Variants in PDE4B observed in about 807,000 individuals in gnomAD.
The protein encoded by PDE4B is 3',5'-cyclic-AMP phosphodiesterase 4B.
In PDE4B, 20 loss-of-function variants were observed where a neutral mutation model predicts 82.2. The observed-to-expected ratio is 0.24, with a 90% CI of 0.17 to 0.35. The LOEUF is 0.35. PDE4B is among the 10% of genes least tolerant of loss of function. PDE4B has a pLI of 1.00. For synonymous variants in PDE4B, 320 were observed against 318.9 expected (o/e 1.00, Z -0.04); for missense variants, 655 against 907.2 (o/e 0.72, Z 3.57).
At chr1:66,129,639 G>A (rs1258108832) in intron 3 of PDE4B, among the ~76,000 whole-genome samples, 3 of 128,592 alleles carry the variant, frequency 2.3e-5, no homozygotes, top group South Asian at 2.6e-4. Context: ...CAGCCTGGGC[G>A]ACAGAGCGAG....
At chr1:66,241,202 T>C (rs1461169258) in intron 3 of PDE4B, among the ~76,000 whole-genome samples, 1 of 152,256 alleles carries the variant, frequency 6.6e-6, no homozygotes, top group Non-Finnish European at 1.5e-5. Flanking sequence ...GCTGTAGCTG[T>C]GGCCAGAGGA....
intron 3 of PDE4B, among the ~76,000 whole-genome samples, chr1:65,931,961 A>T (rs559408818): frequency 5.3e-5 from 8 of 152,194 alleles, no homozygotes; most frequent in Non-Finnish European, 8.8e-5. Flanking sequence ...GTTTGCACTG[A>T]CAGTTACCAT....
chr1:66,156,498 T>C (rs1646504025), intron 3 of PDE4B, among the ~76,000 whole-genome samples: 1 of 152,252 alleles, frequency 6.6e-6, no homozygotes. Flanking sequence ...TATTATCCTA[T>C]TTAAACTCAA....
In PDE4B at chr1:66,365,228, G is replaced by A. The variant is rs143914553; in HGVS notation, c.1285-439G>A. On this transcript the variant is annotated intron_variant, in intron 12 of 16. Transcript: ENST00000341517. ...GGAAATAATTTATTGCTTATCTTAT[G>A]AATCGGGAGTTTGGCCATTTTTCTC... 9.4e-4 allele frequency among the ~76,000 whole-genome samples: 143 copies of A among 152,300 alleles called. 1 individual carries two copies. In the East Asian group the frequency reaches 0.015, roughly 16 times the overall value.
chr1:66,013,621 T>C (rs1245604230), intron 3 of PDE4B, among the ~76,000 whole-genome samples: 1 of 152,060 alleles, frequency 6.6e-6, no homozygotes, highest in Non-Finnish European at 1.5e-5. Flanking sequence ...TCTATACCAC[T>C]TAAGCAACCA....
At chr1:65,819,057 G>A (rs1325752918) in intron 1 of PDE4B, among the ~76,000 whole-genome samples, 4 of 152,120 alleles carry the variant, frequency 2.6e-5, no homozygotes, top group Non-Finnish European at 4.4e-5. Flanking sequence ...CAAAACAGCT[G>A]CTACCTTGAA....
chr1:66,120,734 C>T lies in PDE4B; in HGVS notation c.282-126726C>T, dbSNP rs190098877. Among the ~76,000 whole-genome samples, 9 of 152,230 alleles carry T rather than the reference C, an allele frequency of 5.9e-5. No homozygotes were observed. The East Asian group carries it at 9.7e-4, about 16-fold the overall frequency. On this transcript the variant is annotated intron_variant, in intron 3 of 16. Transcript: ENST00000341517. Reference sequence around the variant, plus strand: ...GAAAAAGTCTGCACTCTCTATTTTGCACTGCCTCTACCCCTCTCTATTTTT... The same window carrying T: ...GAAAAAGTCTGCACTCTCTATTTTGTACTGCCTCTACCCCTCTCTATTTTT...
At chr1:66,180,335 G>A (rs528145272) in intron 3 of PDE4B, among the ~76,000 whole-genome samples, 5 of 152,348 alleles carry the variant, frequency 3.3e-5, no homozygotes, top group Non-Finnish European at 7.4e-5. Flanking sequence ...CATCAGGAAA[G>A]TAAAGTTAGA....
chr1:65,990,635 A>G (rs1056843599), intron 3 of PDE4B, among the ~76,000 whole-genome samples: 7 of 152,198 alleles, frequency 4.6e-5, no homozygotes, highest in Admixed American at 4.6e-4. Flanking sequence ...AGATATTAAA[A>G]CATGCATTAG....
At chr1:66,244,194 A>G (rs924572720) in intron 3 of PDE4B, among the ~76,000 whole-genome samples, 1 of 152,254 alleles carries the variant, frequency 6.6e-6, no homozygotes, top group African/African-American at 2.4e-5. Context: ...ACTGTAGCAC[A>G]TAACAAATAC....
At chr1:65,983,009 C>T (rs1305728779) in intron 3 of PDE4B, among the ~76,000 whole-genome samples, 1 of 152,080 alleles carries the variant, frequency 6.6e-6, no homozygotes, top group Non-Finnish European at 1.5e-5. Context: ...AAACTGGTGC[C>T]ACCCCATTCA....
intron 3 of PDE4B, among the ~76,000 whole-genome samples, chr1:65,980,731 TGA>T (rs1220588256): frequency 6.6e-6 from 1 of 152,132 alleles, no homozygotes; most frequent in African/African-American, 2.4e-5. Context: ...AACCCAGAAA[TGA>T]TGCTAGACAC....
At chr1:66,009,905 TTATCTATCTATCTATC>T (rs80200150) in intron 3 of PDE4B, among the ~76,000 whole-genome samples, 53 of 130,560 alleles carry the variant, frequency 4.1e-4, no homozygotes, top group Middle Eastern at 3.8e-3. Flanking sequence ...ATCTGTATCT[TTATCTATCTATCTATC>T]TATCTATCTA....
chr1:65,821,014 G>T (rs753351585), intron 1 of PDE4B, among the ~76,000 whole-genome samples: 12 of 152,158 alleles, frequency 7.9e-5, no homozygotes, highest in Non-Finnish European at 1.5e-4. Flanking sequence ...AATTCATTTA[G>T]CTACTTGGAA....
intron 1 of PDE4B, among the ~76,000 whole-genome samples, chr1:65,902,902 C>A (rs939317962): frequency 2.0e-5 from 3 of 152,228 alleles, no homozygotes; most frequent in Middle Eastern, 3.4e-3. Flanking sequence ...TTAGAGTCTG[C>A]AGATATAGGC....
intron 1 of PDE4B, among the ~76,000 whole-genome samples, chr1:65,813,971 A>G (rs1645850337): frequency 6.6e-6 from 1 of 151,978 alleles, no homozygotes; most frequent in South Asian, 2.1e-4. Flanking sequence ...TGCTGATAAT[A>G]GAAGCCCTGA....
chr1:65,867,041 A>G (rs753454530), intron 1 of PDE4B, among the ~76,000 whole-genome samples: 1 of 152,238 alleles, frequency 6.6e-6, no homozygotes, highest in Non-Finnish European at 1.5e-5. Context: ...GTAAAATAAT[A>G]TGGTGCCTTG....
intron 3 of PDE4B, among the ~76,000 whole-genome samples, chr1:66,172,711 G>T (rs770674397): frequency 9.9e-5 from 15 of 152,150 alleles, no homozygotes; most frequent in Non-Finnish European, 1.6e-4. Context: ...GTGATGTTGA[G>T]AAATTTTTAA....
intron 8 of PDE4B, among the ~76,000 whole-genome samples, chr1:66,339,825 T>G (rs901372335): frequency 3.5e-5 from 5 of 140,952 alleles, no homozygotes; most frequent in African/African-American, 1.4e-4. Context: ...AATTGTTTAG[T>G]TTTTTTTTGT....
Sources: allele counts gnomAD v4.1 joint callset (sites outside exome capture counted in the v4.1 genomes callset), GRCh38; gene constraint gnomAD v4.1.1; transcripts MANE v1.5; gene names NCBI Gene and HGNC (gene_info 2026-07-23, HGNC 2026-07-21).